The following TOP3A variants were observed in gnomAD, a reference collection of about 807,000 sequenced individuals.
TOP3A encodes DNA topoisomerase III alpha.
Under a neutral mutation model 111.3 loss-of-function variants are expected in TOP3A, and 64 were observed. The ratio of observed to expected loss-of-function variants is 0.57; its 90% CI spans 0.47 to 0.71. The LOEUF (loss-of-function observed/expected upper bound fraction) is 0.71, where lower values mean the gene tolerates loss of function less well. Among genes scored for constraint, TOP3A ranks in the 30% least tolerant of loss-of-function variants. The probability of loss-of-function intolerance (pLI) is 0.00; values close to 1 mark genes in which losing one functional copy is unlikely to be tolerated. For missense variants in TOP3A, 1,104 were observed against 1,285.0 expected, an observed-to-expected ratio of 0.86 and a Z score of 2.15; for synonymous variants, 484 against 485.1, an observed-to-expected ratio of 1.00 and a Z score of 0.03.
chr17:18,279,713 G>A (rs542200667), intron 17 of TOP3A, among the ~76,000 whole-genome samples: 222 of 152,220 alleles, frequency 1.5e-3, no homozygotes, highest in Non-Finnish European at 1.0e-3. Context: ...TAGAGACAGG[G>A]TCTGGCTCTG....
rs931913921 is a variant in TOP3A, at chr17:18,271,791, A to G, written c.*3011T>C. On this transcript the variant is annotated 3_prime_UTR_variant, in exon 19 of 19. Transcript: ENST00000321105. Reference sequence around the variant, plus strand: ...AAAATGGGGGAAGAGACCAGGTGTGATGGCTCCTGCCTGTTAATCCTAGCA... The same window carrying G: ...AAAATGGGGGAAGAGACCAGGTGTGGTGGCTCCTGCCTGTTAATCCTAGCA... The G allele has an allele frequency of 1.6e-5, 7 of 451,546 alleles. No individual in the cohort carries two copies. Among genetic ancestry groups the G allele is most frequent in the African/African-American group, 1.2e-4 (6 of 48,568 alleles). The allele number at this position is 451,546 out of a possible 1,614,324, so 28.0% of individuals were successfully genotyped here.
chr17:18,298,446 C>T lies in TOP3A; in HGVS notation c.990+1113G>A, dbSNP rs1480175533. Among the ~76,000 whole-genome samples, 4 of 149,250 alleles carry T rather than the reference C, an allele frequency of 2.7e-5. 1 individual carries two copies. Among genetic ancestry groups the T allele is most frequent in the East Asian group, 2.0e-4 (1 of 5,036 alleles). Reference sequence around the variant, plus strand: ...GAGGGAGGTGGGGGGGTCAGCCCCCCGCCCGGCCAGCCGCCCCGTCCGGGA... The same window carrying T: ...GAGGGAGGTGGGGGGGTCAGCCCCCTGCCCGGCCAGCCGCCCCGTCCGGGA... On this transcript the variant is annotated intron_variant, in intron 9 of 18. Coordinates refer to ENST00000321105, the MANE Select transcript of TOP3A (RefSeq NM_004618.5).
Position 18,277,979 on chromosome 17 carries a change from ACCTCCGTTGCACTTAAAGAACTGCCGGC to A in TOP3A, c.2495_2522del (p.Gly832ValfsTer41). ...CTGCCCACAGGAAGAAGTTGCAGCT[ACCTCCGTTGCACTTAAAGAACTGCCGGC>A]CCCGGTTGGGGCCCTCCTTACGGAC... is the stretch of plus-strand genomic sequence containing the variant. On this transcript the variant is annotated frameshift_variant, in exon 18 of 19. Coordinates refer to ENST00000321105, the MANE Select transcript of TOP3A (RefSeq NM_004618.5). LOFTEE classifies it high-confidence loss of function. 6.2e-7 allele frequency: 1 copy of A among 1,613,904 alleles called. No individual in the cohort carries two copies. The highest frequency in any genetic ancestry group is 8.5e-7 in the Non-Finnish European group (1 of 1,180,008).
intron 16 of TOP3A, among the ~76,000 whole-genome samples, chr17:18,281,648 G>A (rs947394903): frequency 4.6e-5 from 7 of 152,144 alleles, no homozygotes; most frequent in East Asian, 1.9e-4. Context: ...TGTGAGTGAC[G>A]CGAGCCCTGA....
intron 5 of TOP3A, among the ~76,000 whole-genome samples, chr17:18,303,701 C>T (rs1346381412): frequency 2.0e-5 from 3 of 152,120 alleles, no homozygotes; most frequent in Non-Finnish European, 4.4e-5. Flanking sequence ...CCTGCTGACC[C>T]TCTCCCCACC....
intron 5 of TOP3A, 131 bp from the exon 6 acceptor site, chr17:18,302,854 C>T (rs902713109): frequency 1.6e-5 from 17 of 1,047,208 alleles, no homozygotes; most frequent in Middle Eastern, 2.1e-4. Context: ...GACCAATTTA[C>T]CTATTAGGTT....
chr17:18,308,999 G>A (rs963531044), intron 1 of TOP3A, 58 bp from the exon 2 acceptor site: 1 of 959,204 alleles, frequency 1.0e-6, no homozygotes, highest in Non-Finnish European at 1.5e-6. Flanking sequence ...GGATTCCTTT[G>A]TATAATTCTT....
At chr17:18,294,131 C>T (rs1980649308) in intron 10 of TOP3A, among the ~76,000 whole-genome samples, 2 of 152,150 alleles carry the variant, frequency 1.3e-5, no homozygotes, top group African/African-American at 4.8e-5. Context: ...AGGTGCCACC[C>T]ACTGTCTGCC....
Position 18,281,634 on chromosome 17 carries a change from T to C in TOP3A, c.2022-976A>G, listed in dbSNP as rs530609869. On this transcript the variant is annotated intron_variant, in intron 16 of 18. Coordinates refer to ENST00000321105, the MANE Select transcript of TOP3A (RefSeq NM_004618.5). ...CTAAGCCTAGAGTGGCACTGGCTTC[T>C]GTCTGTGAGTGACGCGAGCCCTGAC... is the stretch of plus-strand genomic sequence containing the variant. Among the ~76,000 whole-genome samples, 4 of 152,312 alleles carry C rather than the reference T, an allele frequency of 2.6e-5. No individual in the cohort carries two copies. The South Asian group carries it at 8.3e-4, about 32-fold the overall frequency.
chr17:18,280,614 A>G lies in TOP3A; in HGVS notation c.2066T>C (p.Val689Ala). The G allele has an allele frequency of 6.2e-7, 1 of 1,614,160 alleles. No individual in the cohort carries two copies. The highest frequency in any genetic ancestry group is 1.1e-5 in the South Asian group (1 of 91,080). The change falls in exon 17 of 19, where the codon GTG becomes GCG. Residue 689 changes from valine to alanine, a missense_variant. Physicochemically the swap from Val to Ala is moderately conservative, Grantham distance 64. Coordinates refer to ENST00000321105, the MANE Select transcript of TOP3A (RefSeq NM_004618.5). Reference sequence around the variant, plus strand: ...CTCCAGCACCGAGTCAGGAAGCCACACAGCTGAGCGACACTCTGGGAAACC... The same window carrying G: ...CTCCAGCACCGAGTCAGGAAGCCACGCAGCTGAGCGACACTCTGGGAAACC... ...CMGFPECRSAVWLPDSVLEAS... is the reference protein window; with the variant it reads ...CMGFPECRSAAWLPDSVLEAS...
At chr17:18,291,126 G>A in intron 11 of TOP3A, 99 bp from the exon 12 acceptor site, 1 of 1,222,150 alleles carries the variant, frequency 8.2e-7, no homozygotes, top group Non-Finnish European at 1.1e-6. Flanking sequence ...GCACAGAAGA[G>A]GCCACACTGC....
Position 18,305,102 on chromosome 17 carries a change from C to G in TOP3A, c.499+10G>C. 1 of 1,607,602 alleles carries G rather than the reference C, an allele frequency of 6.2e-7. No homozygotes were observed. The highest frequency in any genetic ancestry group is 8.5e-7 in the Non-Finnish European group (1 of 1,174,080). On this transcript the variant is annotated intron_variant, in intron 5 of 18. Transcript: ENST00000321105. ...AAGTAGAGAAAGTCAGCAGCAGCAG[C>G]AGCACTTACCAGCCTTACACACGTG... is the stretch of plus-strand genomic sequence containing the variant.
rs1472774703 is a variant in TOP3A, at chr17:18,302,281, AT to A, written c.796del (p.Ile266SerfsTer7). The A allele has an allele frequency of 6.2e-7, 1 of 1,610,568 alleles. No homozygotes were observed. Among genetic ancestry groups the A allele is most frequent in the Admixed American group, 1.7e-5 (1 of 59,356 alleles). The stretch of plus-strand genomic sequence containing the variant: ...GGCCCTACCTTTAATTCTGTGGAAG[AT>A]TTCTGGTACAAAAGCCTGAATGGCT... ...FKAIQAFVPE[I>X]FHRIKVTHDH... is the part of the protein sequence containing the mutation. On this transcript the variant is annotated frameshift_variant, in exon 7 of 19. Transcript: ENST00000321105. LOFTEE classifies it high-confidence loss of function.
Position 18,277,490 on chromosome 17 carries a change from T to C in TOP3A, c.2827+185A>G, listed in dbSNP as rs2142931592. ...CTGGTAGCTACCCTTTAATTTGGAATGAGGACTGTACAATTATCACCTTGC... is the reference window on the plus strand; with the variant it reads ...CTGGTAGCTACCCTTTAATTTGGAACGAGGACTGTACAATTATCACCTTGC... On this transcript the variant is annotated intron_variant, in intron 18 of 18. Coordinates refer to ENST00000321105, the MANE Select transcript of TOP3A (RefSeq NM_004618.5). Among the ~76,000 whole-genome samples the C allele has an allele frequency of 1.3e-5, 2 of 152,360 alleles. 1 individual carries two copies. Among genetic ancestry groups the C allele is most frequent in the South Asian group, 4.1e-4 (2 of 4,828 alleles).
chr17:18,306,987 G>C (rs1451773487), intron 3 of TOP3A, 21 bp from the exon 4 acceptor site: 1 of 1,582,852 alleles, frequency 6.3e-7, no homozygotes, highest in Non-Finnish European at 8.7e-7. Context: ...AATGAAAACA[G>C]AGTCCCAACT....
chr17:18,302,062 T>G lies in TOP3A; in HGVS notation c.815-77A>C, dbSNP rs1981265418. 9 of 1,486,816 alleles carry G rather than the reference T, an allele frequency of 6.1e-6. No individual in the cohort carries two copies. The East Asian group carries it at 1.6e-4, about 27-fold the overall frequency. 92.1% of individuals were successfully genotyped at this position (1,486,816 alleles called of 1,614,324 possible). ...ATATGACAGATAGAAAAAGGTTTAT[T>G]GTGGTGAAAGTCAAACGAATATCAA... On this transcript the variant is annotated intron_variant, in intron 7 of 18. Coordinates refer to ENST00000321105, the MANE Select transcript of TOP3A (RefSeq NM_004618.5).
intron 11 of TOP3A, among the ~76,000 whole-genome samples, 181 bp downstream of exon 11, chr17:18,292,464 G>A (rs1340825969): frequency 6.6e-6 from 1 of 152,192 alleles, no homozygotes; most frequent in Non-Finnish European, 1.5e-5. Context: ...TAAGACGGGG[G>A]CCCACCACGG....
intron 11 of TOP3A, among the ~76,000 whole-genome samples, chr17:18,291,858 C>T (rs1229987032): frequency 6.6e-6 from 1 of 152,026 alleles, no homozygotes; most frequent in African/African-American, 2.4e-5. Context: ...GGACTACAGG[C>T]ACATGCCACC....
Position 18,290,532 on chromosome 17 carries a change from C to T in TOP3A, c.1597+25G>A, listed in dbSNP as rs376263451. ...ACTGTAAGCCTTAGCTCAAGAGATG[C>T]GAGTTACCCAGAGGAGCCACTGACC... On this transcript the variant is annotated intron_variant, in intron 13 of 18. Transcript: ENST00000321105. 2.8e-5 allele frequency: 43 copies of T among 1,536,240 alleles called. No individual in the cohort carries two copies. The Middle Eastern group carries it at 5.3e-4, about 19-fold the overall frequency.
Sources: gnomAD v4.1 joint callset for allele counts (sites outside exome capture counted in the v4.1 genomes callset) on GRCh38, gnomAD v4.1.1 for gene constraint, MANE v1.5 for transcripts, NCBI Gene and HGNC (gene_info 2026-07-23, HGNC 2026-07-21) for gene names.